BRCA1: variants seen among roughly 807,000 people sequenced by gnomAD.
The protein encoded by BRCA1 is BRCA1 DNA repair associated.
Under a neutral mutation model 173.7 loss-of-function variants are expected in BRCA1, and 140 were observed. That is an observed-to-expected ratio of 0.81 (90% CI 0.70 to 0.93). The LOEUF is 0.93. Ranked by LOEUF, BRCA1 falls within the 40% of genes least tolerant of loss-of-function variation. The probability of loss-of-function intolerance (pLI) is 0.00; values close to 1 mark genes in which losing one functional copy is unlikely to be tolerated. For synonymous variants in BRCA1, 662 were observed against 756.0 expected (o/e 0.88, Z 2.04); for missense variants, 1,983 against 2,172.5 (o/e 0.91, Z 1.73).
intron 12 of BRCA1, chr17:43,079,378 C>T: frequency 6.3e-7 from 1 of 1,597,216 alleles, no homozygotes; most frequent in Non-Finnish European, 8.5e-7. Context: ...GGAGTTGTTC[C>T]TTTGGCCATG....
At chr17:43,120,690 G>A (rs1567820971) in intron 2 of BRCA1, among the ~76,000 whole-genome samples, 1 of 152,180 alleles carries the variant, frequency 6.6e-6, no homozygotes, top group Admixed American at 6.5e-5. Context: ...GCGTGAACCC[G>A]GGAGGCGGAG....
chr17:43,071,091 G>T lies in BRCA1; in HGVS notation c.4823C>A (p.Ala1608Glu), dbSNP rs80357072. 1 of 1,614,146 alleles carries T rather than the reference G, an allele frequency of 6.2e-7. No homozygotes were observed. The highest frequency in any genetic ancestry group is 8.5e-7 in the Non-Finnish European group (1 of 1,180,018). Residue 1608 changes from alanine to glutamate, a missense_variant, in exon 15 of 23, where the codon GCA (alanine) becomes GAA (glutamate). Transcript: ENST00000357654. ...AGCAGCTGGACTCTGGGCAGATTCT[G>T]CAACTTTCAATTGGGGAACTTTCAA... ...SALKVPQLKV[A>E]ESAQSPAAAH...
chr17:43,050,602 C>T (rs1404352514), intron 20 of BRCA1, among the ~76,000 whole-genome samples: 2 of 140,804 alleles, frequency 1.4e-5, no homozygotes, highest in African/African-American at 2.6e-5. Flanking sequence ...AACAGAGACT[C>T]GACCTCAAAA....
intron 2 of BRCA1, among the ~76,000 whole-genome samples, chr17:43,119,881 G>C (rs184023162): frequency 1.3e-5 from 2 of 152,202 alleles, no homozygotes; most frequent in East Asian, 3.9e-4. Context: ...CACAAACTTT[G>C]AACAGATGAA....
At chr17:43,134,387 T>C (rs1005979981) in intron 1 of BRCA1, among the ~76,000 whole-genome samples, 2 of 151,964 alleles carry the variant, frequency 1.3e-5, no homozygotes, top group Admixed American at 1.3e-4. Context: ...AGATAGGAGT[T>C]CCTAAAAAGC....
At chr17:43,150,250 C>T (rs566714477) in intron 1 of BRCA1, among the ~76,000 whole-genome samples, 12 of 152,180 alleles carry the variant, frequency 7.9e-5, no homozygotes, top group Middle Eastern at 3.4e-3. Context: ...GCTGGGACTA[C>T]GGGCTGTCAC....
chr17:43,138,675 G>GCA (rs2056048165), intron 1 of BRCA1: 1 of 778,922 alleles, frequency 1.3e-6, no homozygotes, highest in South Asian at 1.3e-5. Context: ...AGCCCAGGAA[G>GCA]CACACATCAA....
At chr17:43,139,748 GT>G (rs1253806836) in intron 1 of BRCA1, 2 of 413,314 alleles carry the variant, frequency 4.8e-6, no homozygotes, top group African/African-American at 4.1e-5. Context: ...GTGTTTATGA[GT>G]TCTCATCATT....
At chr17:43,104,433 T>C (rs547334118) in intron 5 of BRCA1, among the ~76,000 whole-genome samples, 172 bp from the exon 6 acceptor site, 14 of 152,290 alleles carry the variant, frequency 9.2e-5, no homozygotes, top group African/African-American at 3.4e-4. Flanking sequence ...ACTGGAAATT[T>C]TACTCCTAGG....
chr17:43,074,993 A>C (rs1288789398), intron 13 of BRCA1, among the ~76,000 whole-genome samples: 1 of 151,184 alleles, frequency 6.6e-6, no homozygotes, highest in African/African-American at 2.4e-5. Flanking sequence ...GAGGAAGGAA[A>C]GAAAGGAAGA....
chr17:43,113,435 C>T (rs1053686217), intron 3 of BRCA1, among the ~76,000 whole-genome samples: 4 of 151,956 alleles, frequency 2.6e-5, no homozygotes, highest in African/African-American at 4.8e-5. Context: ...GGCATGATCT[C>T]GGCTCAGGGC....
At chr17:43,065,137 A>G in intron 16 of BRCA1, among the ~76,000 whole-genome samples, 1 of 151,958 alleles carries the variant, frequency 6.6e-6, no homozygotes, top group Non-Finnish European at 1.5e-5. Context: ...GCATCTTTTT[A>G]CCTTTCATTA....
chr17:43,117,076 G>A (rs546643185), intron 2 of BRCA1, among the ~76,000 whole-genome samples: 10 of 152,240 alleles, frequency 6.6e-5, no homozygotes, highest in African/African-American at 2.4e-4. Context: ...CTTCAGAAGA[G>A]GCATGATGTT....
intron 1 of BRCA1, chr17:43,164,541 GGAAA>G (rs2056255270): frequency 6.6e-6 from 1 of 152,232 alleles, no homozygotes; most frequent in African/African-American, 2.4e-5. Context: ...AATAGCACGA[GGAAA>G]GAAAGAAGAG....
At chr17:43,114,940 G>A (rs748961672) in intron 3 of BRCA1, among the ~76,000 whole-genome samples, 4 of 152,078 alleles carry the variant, frequency 2.6e-5, no homozygotes, top group African/African-American at 4.8e-5. Flanking sequence ...CATCAAATAC[G>A]TAAATATAAC....
intron 1 of BRCA1, among the ~76,000 whole-genome samples, chr17:43,145,481 C>CA (rs1435902842): frequency 6.6e-6 from 1 of 152,054 alleles, no homozygotes; most frequent in Non-Finnish European, 1.5e-5. Context: ...CGCCCACCAT[C>CA]ACGCCCGGCT....
intron 2 of BRCA1, among the ~76,000 whole-genome samples, chr17:43,120,894 A>G (rs547566236): frequency 6.0e-5 from 9 of 150,406 alleles, no homozygotes; most frequent in Admixed American, 2.0e-4. Context: ...ATGAAACCCT[A>G]TCTCTACTAA....
intron 6 of BRCA1, among the ~76,000 whole-genome samples, chr17:43,102,357 C>CTTTT (rs35584960): frequency 7.5e-5 from 7 of 93,208 alleles, no homozygotes; most frequent in African/African-American, 1.3e-4. Flanking sequence ...AGGCGTGAAG[C>CTTTT]TTTTTTTTTT....
chr17:43,135,535 T>G (rs572800161), intron 1 of BRCA1, among the ~76,000 whole-genome samples: 52 of 152,286 alleles, frequency 3.4e-4, no homozygotes, highest in African/African-American at 1.0e-3. Context: ...CCAGGCCTAG[T>G]GTAGGGTCTC....
Sources: allele counts gnomAD v4.1 joint callset (sites outside exome capture counted in the v4.1 genomes callset), GRCh38; gene constraint gnomAD v4.1.1; transcripts MANE v1.5; gene names NCBI Gene and HGNC (gene_info 2026-07-23, HGNC 2026-07-21).